SOS1: variants seen among roughly 807,000 people sequenced by gnomAD.
SOS1 encodes SOS Ras/Rac guanine nucleotide exchange factor 1.
SOS1 carries 25 observed loss-of-function variants against 157.6 expected under a neutral mutation model. That is an observed-to-expected ratio of 0.16 (90% CI 0.12 to 0.22). SOS1 has a LOEUF of 0.22. Ranked by LOEUF, SOS1 falls within the 10% of genes least tolerant of loss-of-function variation. SOS1 has a pLI of 1.00. For synonymous variants in SOS1, 528 were observed against 534.0 expected, an observed-to-expected ratio of 0.99 and a Z score of 0.16; for missense variants, 1,237 against 1,599.1, an observed-to-expected ratio of 0.77 and a Z score of 3.86.
intron 1 of SOS1, among the ~76,000 whole-genome samples, chr2:39,082,229 G>T (rs1221933604): frequency 2.0e-5 from 3 of 152,076 alleles, no homozygotes; most frequent in Admixed American, 1.3e-4. Context: ...AGACTAATTG[G>T]AAATAGTAAA....
At position 39,022,746 on chromosome 2, in the gene SOS1, T is replaced by C. The variant is rs181132805; in HGVS notation, c.1682A>G (p.Glu561Gly). 6.2e-7 allele frequency: 1 copy of C among 1,613,820 alleles called. No individual in the cohort carries two copies. Among genetic ancestry groups the C allele is most frequent in the Non-Finnish European group, 8.5e-7 (1 of 1,179,770 alleles). ...ERMLDVTMLQ[E>G]EKEEQMRLPS... ...CAGCCTCATCTGCTCCTCTTTCTCT[T>C]CCTGTAGCATTGTTACATCAAGCAT... Residue 561 changes from glutamate to glycine, a missense_variant, in exon 10 of 23, where the codon GAA (glutamate) becomes GGA (glycine). This residue lies in a region of SOS1 where 210 missense variants were observed against 220.2 expected (regional missense o/e 0.95). Coordinates refer to ENST00000402219, the MANE Select transcript of SOS1 (RefSeq NM_005633.4).
intron 1 of SOS1, among the ~76,000 whole-genome samples, chr2:39,102,074 C>T (rs190025603): frequency 2.6e-5 from 4 of 151,380 alleles, no homozygotes; most frequent in Admixed American, 6.6e-5. Flanking sequence ...GGCGTGGTGG[C>T]AGGCCCCATA....
intron 1 of SOS1, among the ~76,000 whole-genome samples, chr2:39,117,019 T>C (rs1485682218): frequency 3.3e-5 from 5 of 151,584 alleles, no homozygotes; most frequent in Non-Finnish European, 7.4e-5. Context: ...TTTCTGATTA[T>C]GTCATTTACT....
chr2:39,082,398 T>C (rs1437166513), intron 1 of SOS1, among the ~76,000 whole-genome samples: 1 of 152,172 alleles, frequency 6.6e-6, no homozygotes, highest in Non-Finnish European at 1.5e-5. Flanking sequence ...TATTGTTAGC[T>C]TTGTGGTACT....
chr2:38,986,782 T>G (rs530343216), intron 22 of SOS1, among the ~76,000 whole-genome samples: 1 of 152,296 alleles, frequency 6.6e-6, no homozygotes, highest in East Asian at 1.9e-4. Context: ...TTGCTACTGC[T>G]TGCTTAGCTT....
chr2:39,027,063 C>T (rs1046228312), intron 8 of SOS1, among the ~76,000 whole-genome samples: 1 of 152,140 alleles, frequency 6.6e-6, no homozygotes, highest in Admixed American at 6.5e-5. Flanking sequence ...CAGTAAGATA[C>T]AAGGCAATTT....
At position 39,051,131 on chromosome 2, in the gene SOS1, T is replaced by C. The variant is rs758808978; in HGVS notation, c.864+13A>G. The C allele has an allele frequency of 2.2e-5, 36 of 1,612,894 alleles. No individual in the cohort carries two copies. The Middle Eastern group carries it at 6.6e-4, about 29-fold the overall frequency. ...TTATGCAGACTTTTCGGGTATATAA[T>C]TGAAGTACTTACCTCTGCTAAGTCT... On this transcript the variant is annotated intron_variant, in intron 6 of 22. Coordinates refer to ENST00000402219, the MANE Select transcript of SOS1 (RefSeq NM_005633.4).
chr2:39,111,155 C>T (rs1673419726), intron 1 of SOS1, among the ~76,000 whole-genome samples: 1 of 152,132 alleles, frequency 6.6e-6, no homozygotes. Flanking sequence ...ATCACTTGAA[C>T]CCAGGAGGCG....
At chr2:39,064,266 CAT>C (rs1671513080) in intron 2 of SOS1, among the ~76,000 whole-genome samples, 1 of 152,282 alleles carries the variant, frequency 6.6e-6, no homozygotes, top group African/African-American at 2.4e-5. Context: ...CATTACCTCA[CAT>C]AGTTATTTTT....
At chr2:39,067,092 CT>C (rs1186385850) in intron 2 of SOS1, among the ~76,000 whole-genome samples, 1 of 152,160 alleles carries the variant, frequency 6.6e-6, no homozygotes, top group Non-Finnish European at 1.5e-5. Flanking sequence ...CTCACCGTAG[CT>C]TCGATCTCCT....
At chr2:39,102,737 G>A (rs146976552) in intron 1 of SOS1, among the ~76,000 whole-genome samples, 53 of 152,108 alleles carry the variant, frequency 3.5e-4, no homozygotes, top group African/African-American at 1.2e-3. Flanking sequence ...TTGAGCAGAG[G>A]AGTTCAAGAC....
chr2:39,046,860 C>G (rs1670804387), intron 6 of SOS1, among the ~76,000 whole-genome samples: 1 of 152,198 alleles, frequency 6.6e-6, no homozygotes, highest in Non-Finnish European at 1.5e-5. Context: ...TTGAGTAAAA[C>G]TTTCCTTCTT....
At chr2:39,074,358 G>GAAAAAAAAA (rs11399990) in intron 1 of SOS1, among the ~76,000 whole-genome samples, 2 of 136,016 alleles carry the variant, frequency 1.5e-5, no homozygotes. Flanking sequence ...TCAGAAAAAA[G>GAAAAAAAAA]AAAAAAAAAA....
intron 22 of SOS1, 71 bp from the exon 23 acceptor site, chr2:38,986,386 G>A: frequency 1.4e-6 from 2 of 1,403,918 alleles, no homozygotes; most frequent in East Asian, 2.5e-5. Context: ...TAAGAATTAA[G>A]TTGGGGTTTT....
At chr2:39,084,879 GAA>G (rs1178573242) in intron 1 of SOS1, among the ~76,000 whole-genome samples, 3 of 152,088 alleles carry the variant, frequency 2.0e-5, no homozygotes, top group Admixed American at 6.6e-5. Context: ...ACTGACTCAA[GAA>G]AAGAGTCTCT....
intron 1 of SOS1, among the ~76,000 whole-genome samples, chr2:39,117,701 G>C (rs1047800639): frequency 6.6e-6 from 1 of 152,200 alleles, no homozygotes; most frequent in Non-Finnish European, 1.5e-5. Flanking sequence ...GTGGGGGCCA[G>C]TGAACCCCAT....
intron 2 of SOS1, among the ~76,000 whole-genome samples, chr2:39,063,243 C>T (rs1351385749): frequency 1.3e-5 from 2 of 152,060 alleles, no homozygotes; most frequent in African/African-American, 4.8e-5. Flanking sequence ...CCACCTCAGC[C>T]TCCTAAGTAG....
chr2:38,996,512 GA>G (rs1461031750), intron 19 of SOS1, among the ~76,000 whole-genome samples: 2 of 152,124 alleles, frequency 1.3e-5, no homozygotes, highest in Non-Finnish European at 2.9e-5. Flanking sequence ...ATTTTCCCAA[GA>G]AAGTATTGTT....
At chr2:39,082,862 G>C (rs965673755) in intron 1 of SOS1, among the ~76,000 whole-genome samples, 23 of 152,120 alleles carry the variant, frequency 1.5e-4, no homozygotes, top group African/African-American at 5.1e-4. Context: ...CGTAGACTGG[G>C]TGGTCTTCAG....
Sources: gnomAD v4.1 joint callset for allele counts (sites outside exome capture counted in the v4.1 genomes callset) on GRCh38, gnomAD v4.1.1 for gene constraint, gnomAD v4.1.1 regional missense constraint, MANE v1.5 for transcripts, NCBI Gene and HGNC (gene_info 2026-07-23, HGNC 2026-07-21) for gene names.